The following PROKR1 variants were observed in gnomAD, a reference collection of about 807,000 sequenced individuals.
The protein encoded by PROKR1 is G protein-coupled receptor 73.
In PROKR1, 21 loss-of-function variants were observed where a neutral mutation model predicts 22.8. The ratio of observed to expected loss-of-function variants is 0.92; its 90% confidence interval spans 0.65 to 1.32. PROKR1 has a LOEUF of 1.32. Ranked by LOEUF, PROKR1 falls within the 40% of genes most tolerant of loss-of-function variation. The pLI, the probability that PROKR1 is intolerant of heterozygous loss-of-function variation, is 0.00. For missense variants in PROKR1, 548 were observed against 514.2 expected (o/e 1.07, Z -0.64); for synonymous variants, 193 against 207.5 (o/e 0.93, Z 0.60).
chr2:68,645,345 A>T (rs765333299), intron 1 of PROKR1, among the ~76,000 whole-genome samples: 9 of 152,188 alleles, frequency 5.9e-5, no homozygotes, highest in African/African-American at 9.7e-5. Context: ...CTTAAATAGC[A>T]TTTAAAGAAA....
In PROKR1 at chr2:68,646,148, C is replaced by T; in HGVS notation, c.327C>T (p.Phe109=). The T allele has an allele frequency of 1.2e-6, 2 of 1,609,166 alleles. No homozygotes were observed. Among genetic ancestry groups the T allele is most frequent in the Non-Finnish European group, 1.7e-6 (2 of 1,176,776 alleles). ...LLIANLAISD[F]LVAIVCCPFE... ...TCGCCAACCTGGCCATCTCTGACTTCCTGGTGGCCATTGTCTGCTGCCCCT... is the reference window on the plus strand; with the variant it reads ...TCGCCAACCTGGCCATCTCTGACTTTCTGGTGGCCATTGTCTGCTGCCCCT... The change falls in exon 2 of 3, where the codon TTC becomes TTT. Residue 109 remains phenylalanine, a synonymous_variant. Coordinates refer to ENST00000303786, the MANE Select transcript of PROKR1 (RefSeq NM_138964.4).
rs1384238352 is a variant in PROKR1, at chr2:68,645,788, C to A, written c.-34C>A. 6.2e-7 allele frequency: 1 copy of A among 1,614,132 alleles called. No homozygotes were observed. Among genetic ancestry groups the A allele is most frequent in the Admixed American group, 1.7e-5 (1 of 60,022 alleles). ...CTTGCAGACATTGCCCTGGGGAATT[C>A]TGAGCAGTGTTGCTCACAGCACCAC... On this transcript the variant is annotated 5_prime_UTR_variant, in exon 2 of 3. It adds an upstream start codon to the 5' untranslated region. Transcript: ENST00000303786.
chr2:68,657,813 T>C lies in PROKR1; in HGVS notation c.*2237T>C, dbSNP rs1673503291. ...CTGAAAGACACATTACAAAAACCTA[T>C]TTATTTCTTCCCATTTATCACCCAG... On this transcript the variant is annotated 3_prime_UTR_variant, in exon 3 of 3. Coordinates refer to ENST00000303786, the MANE Select transcript of PROKR1 (RefSeq NM_138964.4). 6.6e-6 allele frequency: 1 copy of C among 152,160 alleles called. No homozygotes were observed. The highest frequency in any genetic ancestry group is 2.4e-5 in the African/African-American group (1 of 41,430). 9.4% of individuals were successfully genotyped at this position (152,160 alleles called of 1,614,324 possible).
chr2:68,657,877 A>C lies in PROKR1; in HGVS notation c.*2301A>C, dbSNP rs1001649723. On this transcript the variant is annotated 3_prime_UTR_variant, in exon 3 of 3. Coordinates refer to ENST00000303786, the MANE Select transcript of PROKR1 (RefSeq NM_138964.4). ...CAATTTAATCAGAATGCTCTTGGAG[A>C]GTAAAATTAATTAAAATATTAGCCT... 1 of 152,230 alleles carries C rather than the reference A, an allele frequency of 6.6e-6. No individual in the cohort carries two copies. The highest frequency in any genetic ancestry group is 2.4e-5 in the African/African-American group (1 of 41,454). 9.4% of individuals were successfully genotyped at this position (152,230 alleles called of 1,614,324 possible). A position where few individuals can be genotyped will look rare whatever the true frequency, so the allele number is the denominator to read the frequency against.
intron 2 of PROKR1, among the ~76,000 whole-genome samples, chr2:68,653,923 T>G (rs1048387543): frequency 6.6e-6 from 1 of 152,158 alleles, no homozygotes; most frequent in Non-Finnish European, 1.5e-5. Context: ...ATATTCTCAA[T>G]TGATTTTCAC....
intron 2 of PROKR1, among the ~76,000 whole-genome samples, chr2:68,651,342 C>T (rs959705366): frequency 8.5e-5 from 13 of 152,090 alleles, no homozygotes; most frequent in African/African-American, 1.7e-4. Context: ...CAGCCAGCCT[C>T]GGTGACAGAG....
At position 68,655,694 on chromosome 2, in the gene PROKR1, C is replaced by G; in HGVS notation, c.*118C>G. 1.0e-6 allele frequency: 1 copy of G among 952,764 alleles called. No individual in the cohort carries two copies. The highest frequency in any genetic ancestry group is 1.4e-5 in the South Asian group (1 of 71,078). The allele number at this position is 952,764 out of a possible 1,614,324, so 59.0% of individuals were successfully genotyped here. ...TGCTGCAGAGGGTAAAGTAAATGGA[C>G]CACTCTGTGAGCAATGTTTTCAAGG... On this transcript the variant is annotated 3_prime_UTR_variant, in exon 3 of 3. Transcript: ENST00000303786.
chr2:68,654,275 A>G (rs1673394621), intron 2 of PROKR1, among the ~76,000 whole-genome samples: 1 of 152,208 alleles, frequency 6.6e-6, no homozygotes, highest in Non-Finnish European at 1.5e-5. Flanking sequence ...GATGGGAGGA[A>G]TTATTATATT....
chr2:68,651,135 G>A (rs908004990), intron 2 of PROKR1, among the ~76,000 whole-genome samples: 2 of 152,106 alleles, frequency 1.3e-5, no homozygotes, highest in South Asian at 4.1e-4. Context: ...CCCTAGGCGG[G>A]AAGATCCCTT....
rs1273813985 is a variant in PROKR1, at chr2:68,658,027, T to A, written c.*2451T>A. On this transcript the variant is annotated 3_prime_UTR_variant, in exon 3 of 3. Transcript: ENST00000303786. ...AATGATACAATTTATTGTCATTATG[T>A]TCACCGCTTTCATTAAGAATGCTAA... 1 of 152,246 alleles carries A rather than the reference T, an allele frequency of 6.6e-6. No individual in the cohort carries two copies. The highest frequency in any genetic ancestry group is 1.5e-5 in the Non-Finnish European group (1 of 68,048). The allele number at this position is 152,246 out of a possible 1,614,324, so 9.4% of individuals were successfully genotyped here.
intron 2 of PROKR1, among the ~76,000 whole-genome samples, chr2:68,652,298 C>A (rs2104190312): frequency 6.6e-6 from 1 of 152,314 alleles, no homozygotes; most frequent in Non-Finnish European, 1.5e-5. Context: ...AAATTGTAAA[C>A]TTCTTTACAA....
At chr2:68,649,993 A>C (rs1377742121) in intron 2 of PROKR1, among the ~76,000 whole-genome samples, 1 of 145,612 alleles carries the variant, frequency 6.9e-6, no homozygotes, top group African/African-American at 2.6e-5. Flanking sequence ...GCATATTCTC[A>C]CTCATAGGTG....
rs1284890068 is a variant in PROKR1, at chr2:68,656,456, A to C, written c.*880A>C. On this transcript the variant is annotated 3_prime_UTR_variant, in exon 3 of 3. Coordinates refer to ENST00000303786, the MANE Select transcript of PROKR1 (RefSeq NM_138964.4). The stretch of plus-strand genomic sequence containing the variant: ...TGCAGCTCAGGTGTGGCAGGGGCTC[A>C]GGCTCTCCAGGTATACAGATGATAC... The C allele has an allele frequency of 2.0e-5, 3 of 152,248 alleles. No homozygotes were observed. The highest frequency in any genetic ancestry group is 7.2e-5 in the African/African-American group (3 of 41,442). 9.4% of individuals were successfully genotyped at this position (152,248 alleles called of 1,614,324 possible). A position where few individuals can be genotyped will look rare whatever the true frequency, so the allele number is the denominator to read the frequency against.
intron 2 of PROKR1, among the ~76,000 whole-genome samples, chr2:68,651,876 C>T (rs531482553): frequency 2.6e-4 from 39 of 152,336 alleles, no homozygotes; most frequent in Middle Eastern, 3.4e-3. Flanking sequence ...GGACCTAAGC[C>T]ACTGTAGTGG....
intron 2 of PROKR1, among the ~76,000 whole-genome samples, chr2:68,651,173 G>A (rs1373548085): frequency 1.3e-5 from 2 of 151,792 alleles, no homozygotes; most frequent in East Asian, 3.9e-4. Context: ...ATCAGCCTGG[G>A]CAACATAGGT....
rs538061055 is a variant in PROKR1, at chr2:68,650,431, C to A, written c.485+4125C>A. ...AAATAAATTTTTTTAGAGATGAGAT[C>A]TTGCTATGCTGCCCAGGCTAGTCTT... On this transcript the variant is annotated intron_variant, in intron 2 of 2. Coordinates refer to ENST00000303786, the MANE Select transcript of PROKR1 (RefSeq NM_138964.4). Among the ~76,000 whole-genome samples, 8 of 152,220 alleles carry A rather than the reference C, an allele frequency of 5.3e-5. No homozygotes were observed. The South Asian group carries it at 1.7e-3, about 32-fold the overall frequency.
At chr2:68,651,208 A>C (rs1349143345) in intron 2 of PROKR1, among the ~76,000 whole-genome samples, 2 of 151,758 alleles carry the variant, frequency 1.3e-5, no homozygotes, top group Non-Finnish European at 2.9e-5. Context: ...CAAAAGAAAA[A>C]AAAAATTTAC....
rs573003155 is a variant in PROKR1, at chr2:68,645,071, C to A, written c.-160-591C>A. Among the ~76,000 whole-genome samples, 13 of 152,336 alleles carry A rather than the reference C, an allele frequency of 8.5e-5. No individual in the cohort carries two copies. The East Asian group carries it at 2.5e-3, about 29-fold the overall frequency. On this transcript the variant is annotated intron_variant, in intron 1 of 2. Coordinates refer to ENST00000303786, the MANE Select transcript of PROKR1 (RefSeq NM_138964.4). ...AGCTATTTACCCCTGGACACTCAAC[C>A]AGCCAAGGAAAAATTTTGCTCTAGC...
intron 2 of PROKR1, 22 bp downstream of exon 2, chr2:68,646,328 A>T: frequency 1.9e-6 from 3 of 1,613,988 alleles, no homozygotes; most frequent in Non-Finnish European, 1.7e-6. Context: ...AGCAGTGGGG[A>T]CAACAAAGGC....
Sources: gnomAD v4.1 joint callset for allele counts (sites outside exome capture counted in the v4.1 genomes callset) on GRCh38, gnomAD v4.1.1 for gene constraint, MANE v1.5 for transcripts, NCBI Gene and HGNC (gene_info 2026-07-23, HGNC 2026-07-21) for gene names.